The following CCDC88C variants were observed in gnomAD, a reference collection of about 807,000 sequenced individuals.
CCDC88C encodes the protein protein Daple.
A neutral mutation model predicts 198.8 loss-of-function variants in CCDC88C; 131 were observed. The ratio of observed to expected loss-of-function variants is 0.66; its 90% CI spans 0.57 to 0.76. CCDC88C has a LOEUF of 0.76. CCDC88C is among the 30% of genes least tolerant of loss of function. The pLI, the probability that CCDC88C is intolerant of heterozygous loss-of-function variation, is 0.00. For missense variants in CCDC88C, 2,553 were observed against 2,631.6 expected, an observed-to-expected ratio of 0.97 and a Z score of 0.65; for synonymous variants, 1,166 against 1,114.7, an observed-to-expected ratio of 1.05 and a Z score of -0.92.
chr14:91,309,780 CAG>C (rs756415604), intron 16 of CCDC88C, 77 bp downstream of exon 16: 197 of 1,483,902 alleles, frequency 1.3e-4, no homozygotes, highest in Middle Eastern at 8.9e-4. Context: ...ATGGAGGTCT[CAG>C]GGGAGGGTGA....
intron 12 of CCDC88C, among the ~76,000 whole-genome samples, chr14:91,323,051 G>A (rs1322658384): frequency 6.6e-6 from 1 of 151,964 alleles, no homozygotes; most frequent in African/African-American, 2.4e-5. Flanking sequence ...GATTACAGGT[G>A]TGCACCACCA....
At chr14:91,415,444 G>A (rs894999925) in intron 2 of CCDC88C, among the ~76,000 whole-genome samples, 5 of 152,028 alleles carry the variant, frequency 3.3e-5, no homozygotes, top group South Asian at 4.1e-4. Context: ...AAAGGAGGCC[G>A]GGCACCACAG....
At chr14:91,309,718 C>T (rs577176829) in intron 16 of CCDC88C, 141 bp downstream of exon 16, 11 of 714,910 alleles carry the variant, frequency 1.5e-5, no homozygotes, top group African/African-American at 1.3e-4. Flanking sequence ...GACCAAGGAA[C>T]TTTGGGTTCA....
intron 4 of CCDC88C, among the ~76,000 whole-genome samples, chr14:91,356,422 G>A (rs186084567): frequency 4.5e-4 from 69 of 152,198 alleles, no homozygotes; most frequent in Admixed American, 1.2e-3. Flanking sequence ...AGTTATTCCC[G>A]TCCTTCACTT....
intron 3 of CCDC88C, chr14:91,378,739 G>A (rs1334527958): frequency 1.3e-5 from 2 of 152,200 alleles, no homozygotes; most frequent in Admixed American, 1.3e-4. Flanking sequence ...AGTGCTGTAA[G>A]TCATCATTGG....
chr14:91,405,759 A>T (rs1886452342), intron 3 of CCDC88C, among the ~76,000 whole-genome samples: 1 of 152,224 alleles, frequency 6.6e-6, no homozygotes, highest in South Asian at 2.1e-4. Flanking sequence ...TATATAACAA[A>T]AACTTTATTT....
At chr14:91,404,387 T>C (rs1383747528) in intron 3 of CCDC88C, among the ~76,000 whole-genome samples, 2 of 152,202 alleles carry the variant, frequency 1.3e-5, no homozygotes, top group Non-Finnish European at 2.9e-5. Flanking sequence ...GAGCTCCTTC[T>C]ACCCAGGAGA....
At chr14:91,394,269 C>A (rs977732501) in intron 3 of CCDC88C, among the ~76,000 whole-genome samples, 1 of 152,162 alleles carries the variant, frequency 6.6e-6, no homozygotes. Flanking sequence ...TACAGGTCTG[C>A]GTGAAAACAG....
intron 6 of CCDC88C, chr14:91,342,153 T>TC (rs1472087344): frequency 2.5e-6 from 1 of 402,956 alleles, no homozygotes; most frequent in African/African-American, 2.1e-5. Flanking sequence ...TTGAGGTGTT[T>TC]TTTTTTTTTA....
intron 16 of CCDC88C, among the ~76,000 whole-genome samples, chr14:91,309,609 C>CA (rs376702299): frequency 0.37 from 42,578 of 114,128 alleles, 7,786 homozygotes; most frequent in African/African-American, 0.52. Flanking sequence ...GACCCTGTCT[C>CA]AAAAAAAAAA....
chr14:91,315,410 C>T lies in CCDC88C; in HGVS notation c.1665+240G>A, dbSNP rs565773857. Among the ~76,000 whole-genome samples, 4 of 152,262 alleles carry T rather than the reference C, an allele frequency of 2.6e-5. No individual in the cohort carries two copies. In the South Asian group the frequency reaches 6.2e-4, roughly 24 times the overall value. On this transcript the variant is annotated intron_variant, in intron 14 of 29. Transcript: ENST00000389857. ...CAGGAGCACCACCCCCTCTCTTCCC[C>T]GGGGTCACGACAATCAAAAATGTCT...
chr14:91,320,002 C>A (rs1397898767), intron 13 of CCDC88C, among the ~76,000 whole-genome samples: 1 of 60,038 alleles, frequency 1.7e-5, no homozygotes, highest in Non-Finnish European at 3.1e-5. Flanking sequence ...CCAGCCTGGG[C>A]AACAAGAACA....
chr14:91,378,433 G>A (rs2139945332), intron 3 of CCDC88C, among the ~76,000 whole-genome samples: 1 of 152,292 alleles, frequency 6.6e-6, no homozygotes, highest in Non-Finnish European at 1.5e-5. Context: ...GCAGTCCTTG[G>A]CTCGGGACAC....
rs969638209 is a variant in CCDC88C, at chr14:91,288,166, C to T, written c.4441+939G>A. On this transcript the variant is annotated intron_variant, in intron 25 of 29. Coordinates refer to ENST00000389857, the MANE Select transcript of CCDC88C (RefSeq NM_001080414.4). The surrounding 1 kb of genome is among the most constrained non-coding windows in gnomAD (Gnocchi z 4.2). Reference sequence around the variant, plus strand: ...AAAATTCGAAGTGGTGGCCCTGTACCGTTTGATTGCCTCGTGGTATATAAA... The same window carrying T: ...AAAATTCGAAGTGGTGGCCCTGTACTGTTTGATTGCCTCGTGGTATATAAA... Among the ~76,000 whole-genome samples, 7 of 152,312 alleles carry T rather than the reference C, an allele frequency of 4.6e-5. No homozygotes were observed. Among genetic ancestry groups the T allele is most frequent in the Admixed American group, 2.0e-4 (3 of 15,302 alleles).
rs375682455 is a variant in CCDC88C at position 91,339,259 on chromosome 14, G to A, written c.809+19C>T. On this transcript the variant is annotated intron_variant, in intron 8 of 29. Transcript: ENST00000389857. This position sits in a 1 kb window ranked among gnomAD's most constrained non-coding sequence, Gnocchi z 5.8. ...GTCTGCAACACACACAAAGGTAGGAGAAGCAGCCGGGGACTCACAGCTCCT... is the reference window on the plus strand; with the variant it reads ...GTCTGCAACACACACAAAGGTAGGAAAAGCAGCCGGGGACTCACAGCTCCT... 3.7e-6 allele frequency: 6 copies of A among 1,611,504 alleles called. No individual in the cohort carries two copies. Among genetic ancestry groups the A allele is most frequent in the Admixed American group, 3.3e-5 (2 of 59,926 alleles).
chr14:91,314,475 A>G (rs1892009478), intron 14 of CCDC88C, among the ~76,000 whole-genome samples: 1 of 152,148 alleles, frequency 6.6e-6, no homozygotes, highest in African/African-American at 2.4e-5. Flanking sequence ...CTCTGCTTAC[A>G]CTACTCTCCA....
Position 91,303,234 on chromosome 14 carries a change from C to T in CCDC88C, c.3635+467G>A, listed in dbSNP as rs142728204. ...CTCCTTCACCTCCCCTCCCCACACACCCTGCCTCTCCCCCGGGCCCTGCCC... is the reference window on the plus strand; with the variant it reads ...CTCCTTCACCTCCCCTCCCCACACATCCTGCCTCTCCCCCGGGCCCTGCCC... On this transcript the variant is annotated intron_variant, in intron 20 of 29. Transcript: ENST00000389857. Among the ~76,000 whole-genome samples the T allele has an allele frequency of 3.4e-3, 516 of 151,958 alleles. 1 individual carries two copies. The highest frequency in any genetic ancestry group is 6.0e-3 in the Non-Finnish European group (410 of 67,922).
At chr14:91,408,230 T>C (rs1694435829) in intron 3 of CCDC88C, 1 of 173,826 alleles carries the variant, frequency 5.8e-6, no homozygotes, top group Non-Finnish European at 1.2e-5. Context: ...CTTGGTCCCA[T>C]CTTCATAACC....
intron 3 of CCDC88C, among the ~76,000 whole-genome samples, chr14:91,368,658 G>C (rs983898642): frequency 6.6e-6 from 1 of 152,276 alleles, no homozygotes; most frequent in South Asian, 2.1e-4. Context: ...GAAACGGCAC[G>C]GTGCTGGCTG....
Sources: allele counts gnomAD v4.1 joint callset (sites outside exome capture counted in the v4.1 genomes callset), GRCh38; gene constraint gnomAD v4.1.1; non-coding constraint Gnocchi (gnomAD v3.1); transcripts MANE v1.5; gene names NCBI Gene and HGNC (gene_info 2026-07-23, HGNC 2026-07-21).